Variants in PMM2 observed in about 807,000 individuals in gnomAD.
PMM2 encodes the protein mannose-6-phosphate isomerase.
Under a neutral mutation model 33.2 loss-of-function variants are expected in PMM2, and 35 were observed. That is an observed-to-expected ratio of 1.06 (90% CI 0.81 to 1.40). The LOEUF (loss-of-function observed/expected upper bound fraction) is 1.40, where lower values mean the gene tolerates loss of function less well. Among genes scored for constraint, PMM2 ranks in the 40% most tolerant of loss-of-function variants. The pLI is 0.00. For missense variants in PMM2, 386 were observed against 306.0 expected (o/e 1.26, Z -1.95); for synonymous variants, 153 against 114.7 (o/e 1.33, Z -2.13).
chr16:8,814,138 A>T (rs2060693438), intron 7 of PMM2, among the ~76,000 whole-genome samples: 1 of 151,994 alleles, frequency 6.6e-6, no homozygotes, highest in East Asian at 1.9e-4. Flanking sequence ...AAGTTCTGGG[A>T]TGACAGGTGT....
chr16:8,836,522 G>A (rs1488331440), intron 7 of PMM2, among the ~76,000 whole-genome samples: 11 of 152,162 alleles, frequency 7.2e-5, no homozygotes, highest in African/African-American at 2.4e-4. Flanking sequence ...TGGCTGCTGC[G>A]GTTCAGGCGT....
intron 4 of PMM2, chr16:8,807,684 A>T (rs2060655197): frequency 1.3e-5 from 2 of 152,490 alleles, no homozygotes; most frequent in African/African-American, 4.8e-5. Flanking sequence ...TTGTAGAGAT[A>T]GGGTCTTGCC....
intron 2 of PMM2, among the ~76,000 whole-genome samples, chr16:8,803,136 C>G (rs985765408): frequency 6.6e-6 from 1 of 152,070 alleles, no homozygotes; most frequent in African/African-American, 2.4e-5. Flanking sequence ...GTAAAATTAC[C>G]CCCGTTTGAG....
Position 8,847,851 on chromosome 16 carries a change from C to T in PMM2, c.*26C>T, listed in dbSNP as rs138528126. Reference sequence around the variant, plus strand: ...CGTGGGAGCGGGAGGGGCGGGGTCCCGGCTGACAAGCCAGCATAGGGCATT... The same window carrying T: ...CGTGGGAGCGGGAGGGGCGGGGTCCTGGCTGACAAGCCAGCATAGGGCATT... On this transcript the variant is annotated 3_prime_UTR_variant, in exon 8 of 8. Coordinates refer to ENST00000268261, the MANE Select transcript of PMM2 (RefSeq NM_000303.3). The T allele has an allele frequency of 6.6e-5, 104 of 1,565,722 alleles. No homozygotes were observed. The highest frequency in any genetic ancestry group is 3.7e-4 in the South Asian group (33 of 90,116).
chr16:8,827,802 A>G (rs1405973914), intron 7 of PMM2, among the ~76,000 whole-genome samples: 15 of 55,480 alleles, frequency 2.7e-4, no homozygotes, highest in African/African-American at 1.2e-3. Context: ...ATTTATACAT[A>G]TTTATATATT....
chr16:8,846,701 C>G (rs1365739279), intron 7 of PMM2, among the ~76,000 whole-genome samples: 2 of 152,168 alleles, frequency 1.3e-5, no homozygotes, highest in Non-Finnish European at 2.9e-5. Context: ...TCCTGAACTT[C>G]TGGCCACAGA....
intron 7 of PMM2, among the ~76,000 whole-genome samples, chr16:8,829,794 C>T (rs576818673): frequency 6.6e-6 from 1 of 152,358 alleles, no homozygotes; most frequent in South Asian, 2.1e-4. Context: ...GCCTGATGGA[C>T]TTCCTTCAGC....
chr16:8,821,672 C>A (rs1477770260), intron 7 of PMM2, among the ~76,000 whole-genome samples: 1 of 152,202 alleles, frequency 6.6e-6, no homozygotes, highest in African/African-American at 2.4e-5. Context: ...CGTCAACAGA[C>A]CCAAGGGTCA....
At chr16:8,820,791 C>T (rs1403856649) in intron 7 of PMM2, among the ~76,000 whole-genome samples, 2 of 152,224 alleles carry the variant, frequency 1.3e-5, no homozygotes, top group Admixed American at 6.5e-5. Flanking sequence ...CTGCTTCCTT[C>T]ACTTTCTAAG....
chr16:8,813,932 T>A (rs1157094323), intron 7 of PMM2, among the ~76,000 whole-genome samples: 2 of 142,502 alleles, frequency 1.4e-5, no homozygotes, highest in East Asian at 4.4e-4. Context: ...AGTGGTGCAA[T>A]CTTGGCTCAC....
intron 7 of PMM2, among the ~76,000 whole-genome samples, chr16:8,838,633 A>T (rs60034277): frequency 0.41 from 62,236 of 151,598 alleles, 13,252 homozygotes; most frequent in Non-Finnish European, 0.46. Flanking sequence ...GTATAGAATG[A>T]TTGGTGATGG....
intron 7 of PMM2, among the ~76,000 whole-genome samples, chr16:8,840,296 G>A (rs1184945202): frequency 6.6e-6 from 1 of 152,000 alleles, no homozygotes; most frequent in Non-Finnish European, 1.5e-5. Context: ...TGCCTTGCCA[G>A]CAAAGATCAT....
chr16:8,811,783 C>T (rs1260669387), intron 6 of PMM2, 70 bp downstream of exon 6: 3 of 1,034,726 alleles, frequency 2.9e-6, no homozygotes, highest in African/African-American at 1.6e-5. Flanking sequence ...GGCCAGTGAG[C>T]TATTGATAAT....
chr16:8,820,122 G>A (rs568265240), intron 7 of PMM2, among the ~76,000 whole-genome samples: 3 of 152,272 alleles, frequency 2.0e-5, no homozygotes, highest in East Asian at 1.9e-4. Context: ...GCTTGAACCC[G>A]GGAGGCGGAG....
intron 7 of PMM2, chr16:8,829,150 T>A (rs566510718): frequency 4.6e-5 from 7 of 152,204 alleles, no homozygotes; most frequent in African/African-American, 1.4e-4. Flanking sequence ...CCAGATTCCC[T>A]ACAGCCTAAG....
At chr16:8,799,452 G>T (rs1440632289) in intron 1 of PMM2, among the ~76,000 whole-genome samples, 1 of 152,152 alleles carries the variant, frequency 6.6e-6, no homozygotes, top group Non-Finnish European at 1.5e-5. Context: ...TTCCTGTCAA[G>T]TTTGCCATTT....
Position 8,797,890 on chromosome 16 carries a change from C to T in PMM2, c.8C>T (p.Ala3Val), listed in dbSNP as rs765628536. Residue 3 changes from alanine (A) to valine (V), a missense_variant, in exon 1 of 8, where the codon GCG becomes GTG. Coordinates refer to ENST00000268261, the MANE Select transcript of PMM2 (RefSeq NM_000303.3). ...CGGCTAGAAACTGGGGACATGGCAG[C>T]GCCTGGCCCAGCGCTCTGCCTCTTC... MA[A>V]PGPALCLFDV... 1.2e-6 allele frequency: 2 copies of T among 1,611,364 alleles called. No individual in the cohort carries two copies. The highest frequency in any genetic ancestry group is 1.3e-5 in the African/African-American group (1 of 74,914).
intron 6 of PMM2, 57 bp from the exon 7 acceptor site, chr16:8,812,934 A>G (rs1052135947): frequency 3.1e-6 from 3 of 954,332 alleles, no homozygotes; most frequent in East Asian, 4.8e-5. Flanking sequence ...TTTCAGTGAC[A>G]TATCATTAGC....
intron 7 of PMM2, among the ~76,000 whole-genome samples, chr16:8,833,916 A>C (rs1386929005): frequency 6.6e-6 from 1 of 152,120 alleles, no homozygotes; most frequent in Non-Finnish European, 1.5e-5. Flanking sequence ...AGGAGATATC[A>C]GCTGTGATGG....
Sources: gnomAD v4.1 joint callset for allele counts (sites outside exome capture counted in the v4.1 genomes callset) on GRCh38, gnomAD v4.1.1 for gene constraint, MANE v1.5 for transcripts, NCBI Gene and HGNC (gene_info 2026-07-23, HGNC 2026-07-21) for gene names.